ATP2B3: variants seen among roughly 807,000 people sequenced by gnomAD.
ATP2B3 encodes the protein ATPase plasma membrane Ca2+ transporting 3.
Under a neutral mutation model 70.8 loss-of-function variants are expected in ATP2B3, and 12 were observed. That is an observed-to-expected ratio of 0.17 (90% CI 0.11 to 0.27). The LOEUF (loss-of-function observed/expected upper bound fraction) is 0.27. Among genes scored for constraint, ATP2B3 ranks in the 10% least tolerant of loss-of-function variants. The probability of loss-of-function intolerance (pLI) is 1.00; values close to 1 mark genes in which losing one functional copy is unlikely to be tolerated. For synonymous variants in ATP2B3, 460 were observed against 497.8 expected, an observed-to-expected ratio of 0.92 and a Z score of 1.01; for missense variants, 858 against 1,118.5, an observed-to-expected ratio of 0.77 and a Z score of 3.32.
At chrX:153,534,222 G>T (rs1219638196) in intron 2 of ATP2B3, among the ~76,000 whole-genome samples, 1 of 111,677 alleles carries the variant, frequency 9.0e-6, no homozygotes, top group Non-Finnish European at 1.9e-5. Flanking sequence ...TCGAGAAGAC[G>T]AGGAGTCCAG....
At chrX:153,521,543 C>T (rs1481686868) in intron 2 of ATP2B3, among the ~76,000 whole-genome samples, 1 of 112,056 alleles carries the variant, frequency 8.9e-6, no homozygotes, top group Non-Finnish European at 1.9e-5. Context: ...AGGAGGTTTC[C>T]GGAGTCTTGG....
At chrX:153,540,525 C>T (rs1213157225) in intron 3 of ATP2B3, among the ~76,000 whole-genome samples, 6 of 112,243 alleles carry the variant, frequency 5.3e-5, no homozygotes, top group African/African-American at 6.5e-5. Flanking sequence ...GAAAGTAAGC[C>T]TCCGCTCCCT....
At chrX:153,552,915 G>T in intron 12 of ATP2B3, 120 bp from the exon 13 acceptor site, 1 of 541,813 alleles carries the variant, frequency 1.8e-6, no homozygotes, top group African/African-American at 2.3e-5. Context: ...TTCTCACACG[G>T]GGCACTCCTC....
chrX:153,555,999 A>G (rs782122286), intron 13 of ATP2B3, 50 bp from the exon 14 acceptor site: 10 of 1,206,109 alleles, frequency 8.3e-6, no homozygotes, highest in South Asian at 1.8e-5. Context: ...GCCTCAACCC[A>G]AAATACGTCT....
rs1182314091 is a variant in ATP2B3 at position 153,571,662 on chromosome X, C to T, written c.3342+6559C>T. ...TCATTCCGTGGCCATCTGTCCCCCT[C>T]CTCCCCACCTCCGGAGCCTGGCAGT... On this transcript the variant is annotated intron_variant, in intron 21 of 21. Transcript: ENST00000263519. 4.4e-5 allele frequency among the ~76,000 whole-genome samples: 5 copies of T among 112,621 alleles called. No homozygotes were observed. In the East Asian group the frequency reaches 8.4e-4, roughly 19 times the overall value.
rs782535419 is a variant in ATP2B3 at position 153,531,334 on chromosome X, G to A, written c.-126-4788G>A. 1.9e-4 allele frequency among the ~76,000 whole-genome samples: 22 copies of A among 113,332 alleles called. No homozygotes were observed. The South Asian group carries it at 2.2e-3, about 11-fold the overall frequency. ...CTACGAGGCCTGGGCCACACCTCTC[G>A]CTGTTGCCTTGGCTTGCTTTTCCTC... On this transcript the variant is annotated intron_variant, in intron 2 of 21. Transcript: ENST00000263519.
At chrX:153,522,401 C>G (rs1233929973) in intron 2 of ATP2B3, among the ~76,000 whole-genome samples, 2 of 112,299 alleles carry the variant, frequency 1.8e-5, no homozygotes, top group Non-Finnish European at 3.8e-5. Flanking sequence ...ACTGAGGCCA[C>G]GAGGCCAGCC....
Position 153,558,105 on chromosome X carries a change from C to T in ATP2B3, c.2434-7C>T, listed in dbSNP as rs200160768. The T allele has an allele frequency of 3.1e-4, 377 of 1,201,745 alleles. No homozygotes were observed. Among genetic ancestry groups the T allele is most frequent in the Non-Finnish European group, 4.1e-4 (363 of 890,821 alleles). On this transcript the variant is annotated splice_region_variant and splice_polypyrimidine_tract_variant and intron_variant, in intron 16 of 21. Coordinates refer to ENST00000263519, the MANE Select transcript of ATP2B3 (RefSeq NM_001001344.3). ...ACTCTGTGTGAGTGTGTGTGTCACC[C>T]CCCCAGGGCATCGCAGGGACCGACG...
chrX:153,517,908 G>T (rs1344542157), intron 1 of ATP2B3, 33 bp downstream of exon 1: 2 of 108,191 alleles, frequency 1.8e-5, no homozygotes, highest in African/African-American at 6.8e-5. Flanking sequence ...GGGCGCCGCC[G>T]GGGTGGGCGC....
Position 153,580,872 on chromosome X carries a change from A to ACC in ATP2B3, c.*576_*577dup, listed in dbSNP as rs1557022847. On this transcript the variant is annotated 3_prime_UTR_variant, in exon 22 of 22. Coordinates refer to ENST00000263519, the MANE Select transcript of ATP2B3 (RefSeq NM_001001344.3). ...CAAGCGGCCCTGCAGCCACAAAGCA[A>ACC]CCCGCCCTCTGCAAAAACTAGGCAC... 1 of 112,710 alleles carries ACC rather than the reference A, an allele frequency of 8.9e-6. No individual in the cohort carries two copies. The highest frequency in any genetic ancestry group is 1.9e-5 in the Non-Finnish European group (1 of 53,945). The allele number at this position is 112,710 out of a possible 1,213,427, so 9.3% of individuals were successfully genotyped here.
At chrX:153,519,886 G>A (rs782019348) in intron 2 of ATP2B3, among the ~76,000 whole-genome samples, 1 of 112,811 alleles carries the variant, frequency 8.9e-6, no homozygotes, top group Non-Finnish European at 1.9e-5. Flanking sequence ...GAGGAAGGAA[G>A]CCCCTAAGGC....
intron 7 of ATP2B3, among the ~76,000 whole-genome samples, chrX:153,544,411 G>A (rs1282305517): frequency 5.3e-5 from 6 of 112,305 alleles, no homozygotes; most frequent in African/African-American, 6.5e-5. Flanking sequence ...AACTGTTCCA[G>A]GCCTCTCCTT....
Position 153,556,336 on chromosome X carries a change from A to G in ATP2B3, c.2244A>G (p.Glu748=). Residue 748 remains glutamate, a synonymous_variant, in exon 15 of 22, where the codon GAA becomes GAG. Transcript: ENST00000263519. ...RRIRNEKGEI[E]QERLDKVWPK... ...CTTGTGCTTCCCCTCCCCAGATAGAACAGGAGCGGCTGGACAAGGTGTGGC... is the reference window on the plus strand; with the variant it reads ...CTTGTGCTTCCCCTCCCCAGATAGAGCAGGAGCGGCTGGACAAGGTGTGGC... 1 of 1,207,877 alleles carries G rather than the reference A, an allele frequency of 8.3e-7. No homozygotes were observed. Among genetic ancestry groups the G allele is most frequent in the Non-Finnish European group, 1.1e-6 (1 of 893,899 alleles).
At position 153,523,542 on chromosome X, in the gene ATP2B3, G is replaced by C. The variant is rs148579024; in HGVS notation, c.-127+4991G>C. ...GCTCACTGCAACCTTGCCAGCATTA[G>C]ATATTTTAATCAAACAAATTGTCAT... On this transcript the variant is annotated intron_variant, in intron 2 of 21. Coordinates refer to ENST00000263519, the MANE Select transcript of ATP2B3 (RefSeq NM_001001344.3). Among the ~76,000 whole-genome samples, 302 of 111,776 alleles carry C rather than the reference G, an allele frequency of 2.7e-3. 3 individuals carry two copies. Among genetic ancestry groups the C allele is most frequent in the African/African-American group, 8.9e-3 (273 of 30,745 alleles).
At chrX:153,526,661 G>A (rs12395649) in intron 2 of ATP2B3, among the ~76,000 whole-genome samples, 3 of 111,956 alleles carry the variant, frequency 2.7e-5, no homozygotes, top group Admixed American at 9.4e-5. Context: ...GGGCATCCTC[G>A]CCACTGGCTC....
chrX:153,573,104 G>C, intron 21 of ATP2B3, among the ~76,000 whole-genome samples: 1 of 112,797 alleles, frequency 8.9e-6, no homozygotes, highest in East Asian at 2.8e-4. Context: ...AGGAGCAGGG[G>C]TTAGGCAGCA....
In ATP2B3 at chrX:153,541,649, C is replaced by T. The variant is rs202051557; in HGVS notation, c.407-20C>T. The T allele has an allele frequency of 1.9e-4, 229 of 1,206,197 alleles. No homozygotes were observed. Among genetic ancestry groups the T allele is most frequent in the Non-Finnish European group, 2.5e-4 (227 of 892,547 alleles). On this transcript the variant is annotated intron_variant, in intron 4 of 21. Coordinates refer to ENST00000263519, the MANE Select transcript of ATP2B3 (RefSeq NM_001001344.3). ...GATGGTGATGTCTCCTCCACTGCTT[C>T]CCTTCTGTCCTCCGCACAGCCTGTG...
chrX:153,542,412 C>T lies in ATP2B3; in HGVS notation c.754C>T (p.Arg252Cys), dbSNP rs373144811. ...SSLTGESDHVRKSADKDPMLL... is the reference protein window; with the variant it reads ...SSLTGESDHVCKSADKDPMLL... ...CCTGACGGGCGAGTCTGACCACGTGCGCAAGTCAGCTGACAAAGATCCCAT... is the reference window on the plus strand; with the variant it reads ...CCTGACGGGCGAGTCTGACCACGTGTGCAAGTCAGCTGACAAAGATCCCAT... Residue 252 changes from arginine to cysteine, a missense_variant, in exon 6 of 22, where the codon CGC becomes TGC. Physicochemically the swap from Arg to Cys is radical, Grantham distance 180. This residue lies in a region of ATP2B3 where 278 missense variants were observed against 366.2 expected (regional missense o/e 0.76). Coordinates refer to ENST00000263519, the MANE Select transcript of ATP2B3 (RefSeq NM_001001344.3). 3.3e-5 allele frequency: 40 copies of T among 1,210,361 alleles called. No individual in the cohort carries two copies. The highest frequency in any genetic ancestry group is 4.1e-5 in the Non-Finnish European group (37 of 895,282).
At chrX:153,567,520 G>A (rs1032909455) in intron 21 of ATP2B3, among the ~76,000 whole-genome samples, 1 of 113,087 alleles carries the variant, frequency 8.8e-6, no homozygotes, top group East Asian at 2.8e-4. Context: ...CGAAGGCGAC[G>A]TTAGGTTTTC....
Sources: gnomAD v4.1 joint callset for allele counts (sites outside exome capture counted in the v4.1 genomes callset) on GRCh38, gnomAD v4.1.1 for gene constraint, gnomAD v4.1.1 regional missense constraint, MANE v1.5 for transcripts, NCBI Gene and HGNC (gene_info 2026-07-23, HGNC 2026-07-21) for gene names.